The following MCF2L variants were observed in gnomAD, a reference collection of about 807,000 sequenced individuals.
The protein encoded by MCF2L is MCF.2 cell line derived transforming sequence like.
MCF2L carries 97 observed loss-of-function variants against 153.4 expected under a neutral mutation model. That is an observed-to-expected ratio of 0.63 (90% confidence interval 0.54 to 0.75). The LOEUF (loss-of-function observed/expected upper bound fraction) is 0.75. MCF2L is among the 30% of genes least tolerant of loss of function. The probability of loss-of-function intolerance (pLI) is 0.00; values close to 1 mark genes in which losing one functional copy is unlikely to be tolerated. For missense variants in MCF2L, 1,347 were observed against 1,495.2 expected, an observed-to-expected ratio of 0.90 and a Z score of 1.64; for synonymous variants, 659 against 632.2, an observed-to-expected ratio of 1.04 and a Z score of -0.64.
At chr13:113,020,654 C>T (rs1370599473) in intron 2 of MCF2L, among the ~76,000 whole-genome samples, 1 of 152,220 alleles carries the variant, frequency 6.6e-6, no homozygotes, top group Non-Finnish European at 1.5e-5. Flanking sequence ...ACGGGAGCCC[C>T]ACTCCCACGG....
Position 113,096,466 on chromosome 13 carries a change from G to A in MCF2L, c.3171G>A (p.Glu1057=), listed in dbSNP as rs761685957. 26 of 1,588,620 alleles carry A rather than the reference G, an allele frequency of 1.6e-5. No individual in the cohort carries two copies. Among genetic ancestry groups the A allele is most frequent in the Non-Finnish European group, 2.1e-5 (25 of 1,168,940 alleles). ...RSGDVVELVQ[E]GDEGLWYVRD... ...GGGACGTGGTGGAGCTGGTGCAGGAGGGCGACGAGGGCCTCTGGTAAGACC... is the reference window on the plus strand; with the variant it reads ...GGGACGTGGTGGAGCTGGTGCAGGAAGGCGACGAGGGCCTCTGGTAAGACC... The change falls in exon 28 of 30, where the codon GAG becomes GAA. Residue 1057 remains glutamate, a synonymous_variant. Coordinates refer to ENST00000535094, the MANE Select transcript of MCF2L (RefSeq NM_001112732.3).
upstream of MCF2L, among the ~76,000 whole-genome samples, chr13:112,967,257 G>A (rs985828501): frequency 8.5e-5 from 13 of 152,240 alleles, no homozygotes; most frequent in African/African-American, 2.9e-4. Flanking sequence ...ACCCATTTGA[G>A]GGCACTTTTT....
intron 27 of MCF2L, chr13:113,095,296 C>T: frequency 8.5e-7 from 1 of 1,177,320 alleles, no homozygotes; most frequent in Non-Finnish European, 1.1e-6. Context: ...GTCCCGGAGG[C>T]TCTGGAAGGG....
chr13:112,966,546 G>A (rs2081895862), upstream of MCF2L, among the ~76,000 whole-genome samples: 1 of 152,212 alleles, frequency 6.6e-6, no homozygotes, highest in African/African-American at 2.4e-5. This position sits in a 1 kb window ranked among gnomAD's most constrained non-coding sequence, Gnocchi z 4.1. Flanking sequence ...CCAATATCTG[G>A]GCACGGTGGC....
chr13:113,037,649 A>T (rs1488467727), intron 3 of MCF2L, among the ~76,000 whole-genome samples: 1 of 152,164 alleles, frequency 6.6e-6, no homozygotes, highest in Admixed American at 6.5e-5. Context: ...GTTTAAAAAT[A>T]TGTTTGAGGG....
At chr13:112,979,265 G>C in intron 1 of MCF2L, 1 of 1,024,156 alleles carries the variant, frequency 9.8e-7, no homozygotes, top group Non-Finnish European at 1.2e-6. Flanking sequence ...AAGGCAAGGA[G>C]GTCCAGCCCA....
chr13:112,981,475 T>G (rs1455031120), intron 1 of MCF2L, among the ~76,000 whole-genome samples: 1 of 152,186 alleles, frequency 6.6e-6, no homozygotes, highest in East Asian at 1.9e-4. Context: ...GTCCTGCCCT[T>G]GGCTGGAATG....
rs2082323851 is a variant in MCF2L, at chr13:112,979,454, C to T, written c.79+9996C>T. 7.7e-6 allele frequency: 11 copies of T among 1,420,784 alleles called. No individual in the cohort carries two copies. In the South Asian group the frequency reaches 1.5e-4, roughly 19 times the overall value. The allele number at this position is 1,420,784 out of a possible 1,614,324, so 88.0% of individuals were successfully genotyped here. ...GGGCACTCTGAGGAGGTGGCTCAGC[C>T]CTCTTGGGTTCTTTCTTGTGAGTTG... On this transcript the variant is annotated intron_variant, in intron 1 of 29. Transcript: ENST00000535094.
At chr13:113,013,590 G>T (rs191802820) in intron 1 of MCF2L, among the ~76,000 whole-genome samples, 1 of 152,326 alleles carries the variant, frequency 6.6e-6, no homozygotes, top group Admixed American at 6.5e-5. Context: ...AGCCTCCGCT[G>T]GGAATTTCCA....
Position 112,911,653 on chromosome 13 carries a change from C to G in MCF2L, c.169+9282C>G, listed in dbSNP as rs372054915. On this transcript the variant is annotated intron_variant, in intron 2 of 29. Coordinates refer to the MCF2L transcript ENST00000375608. ...TGTCTCAGCCGTGGGCCCGGCACCC[C>G]CTTCTGTGTTCACCTCCTTCCCCGA... Among the ~76,000 whole-genome samples the G allele has an allele frequency of 4.7e-4, 72 of 152,372 alleles. No individual in the cohort carries two copies. In the East Asian group the frequency reaches 0.012, roughly 25 times the overall value.
At position 112,932,812 on chromosome 13, in the gene MCF2L, T is replaced by G. The variant is rs148630155; in HGVS notation, c.169+30441T>G. ...TTGGGAGGTCAACGCGGGTGGATCA[T>G]CTGAGGTCAGGAGTTGAAGACCAGC... is the stretch of plus-strand genomic sequence containing the variant. On this transcript the variant is annotated intron_variant, in intron 2 of 29. Coordinates refer to the MCF2L transcript ENST00000375608. The surrounding 1 kb of genome is among the most constrained non-coding windows in gnomAD (Gnocchi z 4.6). 4.1e-3 allele frequency among the ~76,000 whole-genome samples: 619 copies of G among 152,164 alleles called. 9 individuals carry two copies. Among genetic ancestry groups the G allele is most frequent in the African/African-American group, 0.014 (579 of 41,512 alleles).
At chr13:112,912,270 C>T (rs767135476) in intron 2 of MCF2L, among the ~76,000 whole-genome samples, 14 of 151,956 alleles carry the variant, frequency 9.2e-5, no homozygotes, top group African/African-American at 2.2e-4. Flanking sequence ...TGTGAGTGTC[C>T]GGGGACATTG....
intron 5 of MCF2L, among the ~76,000 whole-genome samples, chr13:113,061,791 CTTCCCCTCCCT>C: frequency 1.1e-4 from 2 of 17,702 alleles, no homozygotes; most frequent in African/African-American, 2.7e-4. Context: ...CCCTCTCCCC[CTTCCCCTCCCT>C]TCCCTCTCCC....
intron 2 of MCF2L, among the ~76,000 whole-genome samples, chr13:113,022,412 C>G (rs1270877426): frequency 6.8e-6 from 1 of 146,618 alleles, no homozygotes; most frequent in Non-Finnish European, 1.5e-5. Context: ...GTCCTCATGC[C>G]GTGGCCCATG....
intron 2 of MCF2L, among the ~76,000 whole-genome samples, chr13:112,933,812 T>C (rs948806243): frequency 6.6e-6 from 1 of 152,214 alleles, no homozygotes; most frequent in African/African-American, 2.4e-5. Flanking sequence ...CTGACGGCTC[T>C]GCCCTGCAGC....
Position 113,066,061 on chromosome 13 carries a change from G to T in MCF2L, c.772G>T (p.Ala258Ser). 6.2e-7 allele frequency: 1 copy of T among 1,613,186 alleles called. No individual in the cohort carries two copies. The highest frequency in any genetic ancestry group is 8.5e-7 in the Non-Finnish European group (1 of 1,179,884). ...KDKAKEDLRLALKEGHSVLES... is the reference protein window; with the variant it reads ...KDKAKEDLRLSLKEGHSVLES... ...CTCTCCACAGGAGGATTTGAGGCTG[G>T]CACTGAAAGAGGGGCACAGTGTCCT... The change falls in exon 8 of 30, where the codon GCA (alanine) becomes TCA (serine). Residue 258 changes from alanine to serine, a missense_variant. Transcript: ENST00000535094.
chr13:112,919,869 G>A (rs2081335481), intron 2 of MCF2L, among the ~76,000 whole-genome samples: 2 of 152,156 alleles, frequency 1.3e-5, no homozygotes, highest in Non-Finnish European at 2.9e-5. Flanking sequence ...AATTTTTCAT[G>A]CTTTGAAGGA....
chr13:112,948,417 A>T (rs1221716743), intron 2 of MCF2L, among the ~76,000 whole-genome samples: 1 of 152,242 alleles, frequency 6.6e-6, no homozygotes, highest in East Asian at 1.9e-4. Flanking sequence ...AAGGAAAACT[A>T]TTCTGAATAC....
chr13:113,033,226 C>T (rs991167215), intron 3 of MCF2L, among the ~76,000 whole-genome samples: 7 of 144,232 alleles, frequency 4.9e-5, no homozygotes, highest in South Asian at 4.4e-4. Context: ...CATGAGTGGC[C>T]CCCGTGACGT....
Sources: allele counts gnomAD v4.1 joint callset (sites outside exome capture counted in the v4.1 genomes callset), GRCh38; gene constraint gnomAD v4.1.1; non-coding constraint Gnocchi (gnomAD v3.1); transcripts MANE v1.5; gene names NCBI Gene and HGNC (gene_info 2026-07-23, HGNC 2026-07-21).